Variants in RAP1A observed in about 807,000 individuals in gnomAD.
RAP1A encodes the protein ras-related protein Rap-1A.
In RAP1A, 6 loss-of-function variants were observed where a neutral mutation model predicts 26.4. That is an observed-to-expected ratio of 0.23 (90% CI 0.12 to 0.45). The LOEUF (loss-of-function observed/expected upper bound fraction) is 0.45. Ranked by LOEUF, RAP1A falls within the 20% of genes least tolerant of loss-of-function variation. RAP1A has a pLI of 0.99. For synonymous variants in RAP1A, 73 were observed against 79.4 expected (o/e 0.92, Z 0.43); for missense variants, 121 against 217.2 (o/e 0.56, Z 2.78).
chr1:111,632,841 A>G (rs2101106310), intron 1 of RAP1A, among the ~76,000 whole-genome samples: 2 of 151,226 alleles, frequency 1.3e-5, no homozygotes, highest in South Asian at 4.2e-4. Flanking sequence ...GAATCCCTTG[A>G]ACCTGGGAGG....
chr1:111,709,126 CT>C, intron 6 of RAP1A, 22 bp from the exon 7 acceptor site: 1 of 1,599,746 alleles, frequency 6.3e-7, no homozygotes, highest in Non-Finnish European at 8.5e-7. Context: ...GGAGTAAGTA[CT>C]TTTTTTCTTG....
rs575626986 is a variant in RAP1A at position 111,698,402 on chromosome 1, A to G, written c.183+905A>G. Among the ~76,000 whole-genome samples the G allele has an allele frequency of 2.6e-5, 4 of 152,168 alleles. No individual in the cohort carries two copies. In the East Asian group the frequency reaches 5.8e-4, roughly 22 times the overall value. On this transcript the variant is annotated intron_variant, in intron 4 of 7. Transcript: ENST00000369709. The stretch of plus-strand genomic sequence containing the variant: ...TCCTGCCTCAGCCTCCTGGGTAGCT[A>G]GAATTAAAGGCACGTACCACCACCC...
intron 1 of RAP1A, among the ~76,000 whole-genome samples, chr1:111,634,288 T>C (rs1405910481): frequency 6.6e-6 from 1 of 152,104 alleles, no homozygotes; most frequent in Non-Finnish European, 1.5e-5. Flanking sequence ...ATTTTTTAGT[T>C]ATATAGGCCA....
At chr1:111,587,835 C>T (rs1191622142) in intron 1 of RAP1A, among the ~76,000 whole-genome samples, 2 of 152,182 alleles carry the variant, frequency 1.3e-5, no homozygotes, top group African/African-American at 4.8e-5. Flanking sequence ...GTATTTAATG[C>T]TGTGAAATAT....
At chr1:111,624,466 T>TGAGATGA (rs1659330473) in intron 1 of RAP1A, among the ~76,000 whole-genome samples, 1 of 152,250 alleles carries the variant, frequency 6.6e-6, no homozygotes, top group Non-Finnish European at 1.5e-5. Context: ...ATTCACATTC[T>TGAGATGA]CTCAGTCTCC....
intron 6 of RAP1A, among the ~76,000 whole-genome samples, chr1:111,708,316 T>C (rs1307489239): frequency 6.6e-6 from 1 of 152,248 alleles, no homozygotes. Flanking sequence ...ATGTGATACC[T>C]TGAAAGGGAG....
At chr1:111,669,707 G>C (rs560615962) in intron 1 of RAP1A, among the ~76,000 whole-genome samples, 3 of 152,302 alleles carry the variant, frequency 2.0e-5, no homozygotes, top group Admixed American at 6.5e-5. Flanking sequence ...TGTCTAACCA[G>C]AATTTCAGAT....
chr1:111,658,914 C>T (rs1660547077), intron 1 of RAP1A, among the ~76,000 whole-genome samples: 1 of 152,122 alleles, frequency 6.6e-6, no homozygotes. Flanking sequence ...TATTTTGACA[C>T]TGTTGTTAGA....
chr1:111,561,028 C>T (rs151253684), intron 1 of RAP1A, among the ~76,000 whole-genome samples: 4 of 152,258 alleles, frequency 2.6e-5, no homozygotes, highest in Non-Finnish European at 2.9e-5. Flanking sequence ...TTGTGTCCAG[C>T]GAACAAGGCT....
At chr1:111,691,501 A>G (rs1248524368) in intron 2 of RAP1A, 84 bp downstream of exon 2, 14 of 1,257,036 alleles carry the variant, frequency 1.1e-5, no homozygotes, top group Middle Eastern at 1.9e-4. Flanking sequence ...TCTAGATGCC[A>G]AAGAGAAAAG....
chr1:111,707,232 T>TA (rs1662222236), intron 6 of RAP1A, among the ~76,000 whole-genome samples: 1 of 152,188 alleles, frequency 6.6e-6, no homozygotes, highest in Non-Finnish European at 1.5e-5. Flanking sequence ...GGTTTTTTTT[T>TA]AACGGTTAAT....
intron 1 of RAP1A, among the ~76,000 whole-genome samples, chr1:111,660,061 T>C (rs900538255): frequency 1.3e-5 from 2 of 152,224 alleles, no homozygotes; most frequent in African/African-American, 4.8e-5. Context: ...TTTTCCTTCT[T>C]TCTGAAGAAA....
intron 1 of RAP1A, among the ~76,000 whole-genome samples, chr1:111,602,768 A>G (rs1424487353): frequency 1.3e-5 from 2 of 152,194 alleles, no homozygotes; most frequent in African/African-American, 2.4e-5. Context: ...TATTTCTATT[A>G]AAGGTGGATA....
intron 1 of RAP1A, among the ~76,000 whole-genome samples, chr1:111,562,514 C>T (rs992128950): frequency 1.2e-4 from 19 of 152,194 alleles, no homozygotes; most frequent in African/African-American, 4.6e-4. Flanking sequence ...AATGTGTGGT[C>T]TGAAAATGTG....
At chr1:111,545,703 A>C (rs1657011040) in intron 1 of RAP1A, among the ~76,000 whole-genome samples, 1 of 152,110 alleles carries the variant, frequency 6.6e-6, no homozygotes, top group Non-Finnish European at 1.5e-5. Flanking sequence ...TACCTAATCT[A>C]AGGTCACAGA....
chr1:111,676,640 C>G (rs529812624), intron 1 of RAP1A, among the ~76,000 whole-genome samples: 3 of 152,180 alleles, frequency 2.0e-5, no homozygotes, highest in African/African-American at 7.2e-5. Context: ...TATACCTATA[C>G]AACTATTACC....
chr1:111,646,754 T>A (rs879347765), intron 1 of RAP1A, among the ~76,000 whole-genome samples: 12 of 152,178 alleles, frequency 7.9e-5, no homozygotes, highest in Non-Finnish European at 1.8e-4. Context: ...TTAGCCAGGA[T>A]TGTCTCGATC....
At chr1:111,579,597 C>T (rs918356897) in intron 1 of RAP1A, among the ~76,000 whole-genome samples, 6 of 152,128 alleles carry the variant, frequency 3.9e-5, no homozygotes, top group African/African-American at 1.4e-4. Context: ...GGCTCCTCAA[C>T]TTATGATGGG....
rs147387447 is a variant in RAP1A at position 111,674,066 on chromosome 1, T to C, written c.-27-17268T>C. 7.9e-4 allele frequency among the ~76,000 whole-genome samples: 120 copies of C among 152,324 alleles called. 1 individual carries two copies. In the East Asian group the frequency reaches 0.021, roughly 26 times the overall value. ...GAGTTCTTTCCCTAGTTTCTGTTGC[T>C]GTAGAAAAGCTGGAGGCATTTGGGG... is the stretch of plus-strand genomic sequence containing the variant. On this transcript the variant is annotated intron_variant, in intron 1 of 7. Coordinates refer to ENST00000369709, the MANE Select transcript of RAP1A (RefSeq NM_002884.4).
Sources: allele counts gnomAD v4.1 joint callset (sites outside exome capture counted in the v4.1 genomes callset), GRCh38; gene constraint gnomAD v4.1.1; transcripts MANE v1.5; gene names NCBI Gene and HGNC (gene_info 2026-07-23, HGNC 2026-07-21).